Variants in ALS2 observed in about 807,000 individuals in gnomAD.
ALS2 encodes the protein alsin.
ALS2 carries 117 observed loss-of-function variants against 203.4 expected under a neutral mutation model. That is an observed-to-expected ratio of 0.58 (90% confidence interval 0.50 to 0.67). The LOEUF (loss-of-function observed/expected upper bound fraction) is 0.67. ALS2 is among the 30% of genes least tolerant of loss of function. The pLI is 0.00. For missense variants in ALS2, 1,715 were observed against 1,989.4 expected (o/e 0.86, Z 2.62); for synonymous variants, 718 against 725.9 (o/e 0.99, Z 0.17).
rs115186134 is a variant in ALS2 at position 201,702,122 on chromosome 2, C to T, written c.4936-233G>A. Among the ~76,000 whole-genome samples, 1,145 of 150,256 alleles carry T rather than the reference C, an allele frequency of 7.6e-3. 13 individuals are homozygous for T. The highest frequency in any genetic ancestry group is 0.027 in the African/African-American group (1,092 of 40,762). On this transcript the variant is annotated intron_variant, in intron 33 of 33. Transcript: ENST00000264276. Reference sequence around the variant, plus strand: ...AAATTTTTTCATTTCCCGTCTTATTCTAAAACAAAGTTTTTTTACAAGCTA... The same window carrying T: ...AAATTTTTTCATTTCCCGTCTTATTTTAAAACAAAGTTTTTTTACAAGCTA...
intron 23 of ALS2, among the ~76,000 whole-genome samples, chr2:201,720,344 TTAG>T (rs1284848957): frequency 6.6e-6 from 1 of 151,786 alleles, no homozygotes; most frequent in African/African-American, 2.4e-5. Flanking sequence ...ATACACCATA[TTAG>T]TAGAATAAAT....
intron 7 of ALS2, among the ~76,000 whole-genome samples, chr2:201,751,300 T>G (rs945219403): frequency 3.9e-5 from 6 of 152,218 alleles, no homozygotes; most frequent in South Asian, 2.1e-4. Context: ...CAAGGTCCAA[T>G]TTACATTCCT....
chr2:201,776,544 G>C (rs1028601543), intron 1 of ALS2, among the ~76,000 whole-genome samples: 1 of 152,076 alleles, frequency 6.6e-6, no homozygotes, highest in South Asian at 2.1e-4. Flanking sequence ...CAAATTCCCA[G>C]GTACTGCCAC....
intron 20 of ALS2, among the ~76,000 whole-genome samples, chr2:201,724,714 AAT>A (rs919776425): frequency 4.6e-5 from 7 of 152,332 alleles, no homozygotes; most frequent in African/African-American, 1.7e-4. Context: ...AAAATGAAAT[AAT>A]GAGTTATTTT....
chr2:201,707,958 G>A lies in ALS2; in HGVS notation c.4314C>T (p.Ser1438=). Residue 1438 remains serine, a synonymous_variant, in exon 28 of 34, where the codon AGC becomes AGT. Transcript: ENST00000264276. ...GCAGAGGAGCAGAGAGAGGAATTGT[G>A]CTGCCTTCTTCAGGCAGCTCAGGAA... ...FLFPELPEEG[S]TIPLSAPLPT... is the part of the protein sequence containing the mutation. 1.2e-6 allele frequency: 2 copies of A among 1,613,200 alleles called. No homozygotes were observed. The highest frequency in any genetic ancestry group is 1.7e-6 in the Non-Finnish European group (2 of 1,179,400).
chr2:201,725,884 A>G (rs1378158839), intron 19 of ALS2, among the ~76,000 whole-genome samples: 4 of 152,242 alleles, frequency 2.6e-5, no homozygotes, highest in African/African-American at 9.6e-5. Context: ...ACAAGAATTT[A>G]CATGATCACA....
At chr2:201,753,831 T>C (rs1693218739) in intron 6 of ALS2, among the ~76,000 whole-genome samples, 1 of 152,180 alleles carries the variant, frequency 6.6e-6, no homozygotes. Flanking sequence ...TCTTTTCTTT[T>C]CCTATGTGAC....
chr2:201,722,988 A>C, intron 23 of ALS2, 55 bp downstream of exon 23: 1 of 1,391,774 alleles, frequency 7.2e-7, no homozygotes, highest in Non-Finnish European at 1.0e-6. Context: ...TAAAGTAAAA[A>C]AAAATTAGTA....
At chr2:201,728,270 G>A (rs1278797310) in intron 15 of ALS2, among the ~76,000 whole-genome samples, 3 of 151,660 alleles carry the variant, frequency 2.0e-5, no homozygotes, top group East Asian at 1.9e-4. Context: ...GACAGGCCCC[G>A]GTGTGTGATG....
intron 13 of ALS2, among the ~76,000 whole-genome samples, chr2:201,729,759 T>A (rs946796102): frequency 6.6e-5 from 10 of 151,354 alleles, no homozygotes; most frequent in Non-Finnish European, 1.0e-4. Flanking sequence ...CGGGCGCCTG[T>A]AGACCCAGCT....
chr2:201,737,614 G>A (rs548086133), intron 12 of ALS2, among the ~76,000 whole-genome samples: 2 of 152,178 alleles, frequency 1.3e-5, no homozygotes, highest in South Asian at 2.1e-4. Context: ...CCTTCTATTA[G>A]GATAAAAAAT....
rs1479365432 is a variant in ALS2 at position 201,727,722 on chromosome 2, A to C, written c.2895T>G (p.Ser965=). 1.9e-6 allele frequency: 3 copies of C among 1,551,744 alleles called. No homozygotes were observed. The highest frequency in any genetic ancestry group is 2.0e-5 in the Admixed American group (1 of 51,026). Residue 965 remains serine (S), a synonymous_variant, in exon 16 of 34, where the codon TCT becomes TCG. Coordinates refer to ENST00000264276, the MANE Select transcript of ALS2 (RefSeq NM_020919.4). ...GCACTTACACACCACCAGCTTCTTC[A>C]GACAGTGGCTCTGCCCACAGCGTGG... ...PLATLWAEPL[S]EEAGGVNGLK... is the part of the protein sequence containing the mutation.
chr2:201,735,524 G>C (rs1691823090), intron 12 of ALS2, among the ~76,000 whole-genome samples: 1 of 152,216 alleles, frequency 6.6e-6, no homozygotes, highest in South Asian at 2.1e-4. Context: ...GGGCAGCCTA[G>C]CTGTGCTTTA....
At chr2:201,747,161 A>C (rs567662760) in intron 8 of ALS2, among the ~76,000 whole-genome samples, 1 of 152,300 alleles carries the variant, frequency 6.6e-6, no homozygotes, top group Admixed American at 6.5e-5. Context: ...GAGGTAAAAG[A>C]AAACAAACTA....
At chr2:201,768,039 T>C (rs1439926153) in intron 2 of ALS2, among the ~76,000 whole-genome samples, 2 of 152,218 alleles carry the variant, frequency 1.3e-5, no homozygotes, top group African/African-American at 4.8e-5. Flanking sequence ...ATATCAAAGC[T>C]ACAACATGCC....
intron 7 of ALS2, among the ~76,000 whole-genome samples, chr2:201,752,194 C>T (rs1168797447): frequency 4.6e-5 from 7 of 152,108 alleles, no homozygotes; most frequent in Non-Finnish European, 1.0e-4. Context: ...ACTGACGCAT[C>T]TCATCCAAAA....
intron 1 of ALS2, among the ~76,000 whole-genome samples, chr2:201,772,773 G>C (rs933609632): frequency 6.6e-6 from 1 of 150,430 alleles, no homozygotes; most frequent in Non-Finnish European, 1.5e-5. Flanking sequence ...TATGTACTTT[G>C]AACATTTACT....
At chr2:201,769,820 G>C (rs926268974) in intron 1 of ALS2, among the ~76,000 whole-genome samples, 1 of 152,136 alleles carries the variant, frequency 6.6e-6, no homozygotes, top group African/African-American at 2.4e-5. Flanking sequence ...GATATGGAAT[G>C]GTCACTGTGT....
At chr2:201,754,726 C>G in intron 5 of ALS2, 55 bp from the exon 6 acceptor site, 2 of 1,586,484 alleles carry the variant, frequency 1.3e-6, no homozygotes, top group Non-Finnish European at 1.7e-6. Context: ...GGTAAGAAAA[C>G]ATATCATTTG....
Sources: gnomAD v4.1 joint callset for allele counts (sites outside exome capture counted in the v4.1 genomes callset) on GRCh38, gnomAD v4.1.1 for gene constraint, MANE v1.5 for transcripts, NCBI Gene and HGNC (gene_info 2026-07-23, HGNC 2026-07-21) for gene names.